Variants in OR4C3 observed in about 807,000 individuals in gnomAD.
The protein encoded by OR4C3 is olfactory receptor family 4 subfamily C member 3.
For synonymous variants in OR4C3, 186 were observed against 140.1 expected, an observed-to-expected ratio of 1.33 and a Z score of -2.31; for missense variants, 439 against 360.7, an observed-to-expected ratio of 1.22 and a Z score of -1.76.
rs781696402 is a variant in OR4C3, at chr11:48,325,699, C to T, written c.678C>T (p.His226=). The change falls in exon 1 of 1, where the codon CAC becomes CAT. Residue 226 remains histidine, a synonymous_variant. Transcript: ENST00000319856. ...TCATCCTGTACTCCTTGAGGTCCCA[C>T]AGTGCAGATGGGAGATGCAAAGCCC... ...YIVILYSLRS[H]SADGRCKALS... The T allele has an allele frequency of 1.2e-5, 19 of 1,613,914 alleles. No individual in the cohort carries two copies. In the African/African-American group the frequency reaches 1.7e-4, roughly 15 times the overall value.
Position 48,325,335 on chromosome 11 carries a change from T to A in OR4C3, c.314T>A (p.Leu105Ter), listed in dbSNP as rs1250240748. The change falls in exon 1 of 1, where the codon TTG becomes TAG. Residue 105 changes from leucine (L) to a stop codon, truncating the protein, a stop_gained. Coordinates refer to ENST00000319856, the MANE Select transcript of OR4C3 (RefSeq NM_001004702.2). LOFTEE classifies it low-confidence loss of function (END_TRUNC). Reference protein sequence around the residue: ...CMAQLFGAHFLGGVEIILLTV... With the variant: ...CMAQLFGAHF The stretch of plus-strand genomic sequence containing the variant: ...GCTCAGCTCTTTGGAGCTCATTTTT[T>A]GGGAGGTGTTGAGATCATTCTGCTC... 2.5e-6 allele frequency: 4 copies of A among 1,614,228 alleles called. No homozygotes were observed. The South Asian group carries it at 4.4e-5, about 18-fold the overall frequency.
chr11:48,325,377 A>G lies in OR4C3; in HGVS notation c.356A>G (p.Asp119Gly). The G allele has an allele frequency of 1.9e-6, 3 of 1,614,020 alleles. No individual in the cohort carries two copies. Among genetic ancestry groups the G allele is most frequent in the Non-Finnish European group, 1.7e-6 (2 of 1,179,998 alleles). Residue 119 changes from aspartate to glycine, a missense_variant, in exon 1 of 1, where the codon GAC (aspartate) becomes GGC (glycine). Transcript: ENST00000319856. Reference protein sequence around the residue: ...EIILLTVMAYDRYVAICKPLH... With the variant: ...EIILLTVMAYGRYVAICKPLH... ...ATTCTGCTCACAGTGATGGCTTATG[A>G]CCGCTATGTGGCCATCTGTAAGCCC...
chr11:48,325,920 T>C lies in OR4C3; in HGVS notation c.899T>C (p.Phe300Ser). 1 of 1,497,040 alleles carries C rather than the reference T, an allele frequency of 6.7e-7. No homozygotes were observed. The highest frequency in any genetic ancestry group is 8.9e-7 in the Non-Finnish European group (1 of 1,128,228). The allele number at this position is 1,497,040 out of a possible 1,614,324, so 92.7% of individuals were successfully genotyped here. ...EEVKNAMRKL[F>S]TW is the part of the protein sequence containing the mutation. Reference sequence around the variant, plus strand: ...GTAAAAAATGCCATGAGAAAGCTCTTTACATGGTAAGAAATTGCAGGTGGA... The same window carrying C: ...GTAAAAAATGCCATGAGAAAGCTCTCTACATGGTAAGAAATTGCAGGTGGA... Residue 300 changes from phenylalanine to serine, a missense_variant, in exon 1 of 1, where the codon TTT becomes TCT. Phe to Ser is a radical substitution (Grantham distance 155, BLOSUM62 -2). Transcript: ENST00000319856.
Position 48,325,176 on chromosome 11 carries a change from C to A in OR4C3, c.155C>A (p.Thr52Lys). 1 of 1,614,206 alleles carries A rather than the reference C, an allele frequency of 6.2e-7. No individual in the cohort carries two copies. The highest frequency in any genetic ancestry group is 8.5e-7 in the Non-Finnish European group (1 of 1,180,028). Residue 52 changes from threonine to lysine, a missense_variant, in exon 1 of 1, where the codon ACG becomes AAG. Coordinates refer to ENST00000319856, the MANE Select transcript of OR4C3 (RefSeq NM_001004702.2). ...GTGGTCACTATCACCTCCAGCCCCA[C>A]GCTGGCTTCCCCTGTGTATTTTTTC... ...LIVVTITSSP[T>K]LASPVYFFLA...
In OR4C3 at chr11:48,325,137, G is replaced by A; in HGVS notation, c.116G>A (p.Gly39Asp). Residue 39 changes from glycine to aspartate, a missense_variant, in exon 1 of 1, where the codon GGC (glycine) becomes GAC (aspartate). Transcript: ENST00000319856. Reference sequence around the variant, plus strand: ...CTGATCTATGTGGTCACGGTTTGTGGCAACATGCTCATTGTGGTCACTATC... The same window carrying A: ...CTGATCTATGTGGTCACGGTTTGTGACAACATGCTCATTGTGGTCACTATC... ...FLLIYVVTVC[G>D]NMLIVVTITS... The A allele has an allele frequency of 2.5e-6, 4 of 1,614,070 alleles. No individual in the cohort carries two copies. The highest frequency in any genetic ancestry group is 3.4e-6 in the Non-Finnish European group (4 of 1,179,988).
rs140779640 is a variant in OR4C3, at chr11:48,324,970, C to G, written c.-52C>G. ...AATTAGTTCTATTACTTATGTTTCT[C>G]CTTGTCTTTATAGGCAATACTGCAC... On this transcript the variant is annotated 5_prime_UTR_variant, in exon 1 of 1. Transcript: ENST00000319856. The G allele has an allele frequency of 1.3e-3, 2,066 of 1,605,106 alleles. 14 individuals are homozygous for G. The highest frequency in any genetic ancestry group is 7.8e-3 in the South Asian group (691 of 88,966).
Position 48,325,304 on chromosome 11 carries a change from T to C in OR4C3, c.283T>C (p.Cys95Arg). The change falls in exon 1 of 1, where the codon TGC becomes CGC. Residue 95 changes from cysteine (C) to arginine (R), a missense_variant. By Grantham distance (180) the Cys-to-Arg change is radical (BLOSUM62 -3). Transcript: ENST00000319856. ...GGGGAGAACCATCTCTTATGAGTGC[T>C]GCATGGCTCAGCTCTTTGGAGCTCA... is the stretch of plus-strand genomic sequence containing the variant. ...YEGRTISYEC[C>R]MAQLFGAHFL... 2 of 1,614,218 alleles carry C rather than the reference T, an allele frequency of 1.2e-6. No homozygotes were observed. Among genetic ancestry groups the C allele is most frequent in the African/African-American group, 1.3e-5 (1 of 75,064 alleles).
rs1370755217 is a variant in OR4C3 at position 48,325,143 on chromosome 11, T to G, written c.122T>G (p.Met41Arg). The change falls in exon 1 of 1, where the codon ATG becomes AGG. Residue 41 changes from methionine to arginine, a missense_variant. Met to Arg is a moderately conservative substitution (Grantham distance 91, BLOSUM62 -1). Transcript: ENST00000319856. ...TATGTGGTCACGGTTTGTGGCAACA[T>G]GCTCATTGTGGTCACTATCACCTCC... The part of the protein sequence containing the change: ...LIYVVTVCGN[M>R]LIVVTITSSP... The G allele has an allele frequency of 1.9e-6, 3 of 1,614,196 alleles. No individual in the cohort carries two copies. The East Asian group carries it at 6.7e-5, about 36-fold the overall frequency.
rs1290011300 is a variant in OR4C3 at position 48,325,018 on chromosome 11, A to G, written c.-4A>G. On this transcript the variant is annotated 5_prime_UTR_variant, in exon 1 of 1. Coordinates refer to ENST00000319856, the MANE Select transcript of OR4C3 (RefSeq NM_001004702.2). ...CACCTGCATTCTCAGTGACCTTGGA[A>G]TCTATGGACATACCACAAAATATCA... is the stretch of plus-strand genomic sequence containing the variant. 6.2e-7 allele frequency: 1 copy of G among 1,613,990 alleles called. No homozygotes were observed. The highest frequency in any genetic ancestry group is 1.7e-5 in the Admixed American group (1 of 60,016).
At position 48,325,408 on chromosome 11, in the gene OR4C3, C is replaced by G. The variant is rs756240124; in HGVS notation, c.387C>G (p.His129Gln). The change falls in exon 1 of 1, where the codon CAC (histidine) becomes CAG (glutamine). Residue 129 changes from histidine (H) to glutamine (Q), a missense_variant. Transcript: ENST00000319856. ...ATGTGGCCATCTGTAAGCCCCTGCACAATACTACCATCATGACCAGGCATC... is the reference window on the plus strand; with the variant it reads ...ATGTGGCCATCTGTAAGCCCCTGCAGAATACTACCATCATGACCAGGCATC... ...DRYVAICKPL[H>Q]NTTIMTRHLC... 77 of 1,613,804 alleles carry G rather than the reference C, an allele frequency of 4.8e-5. No homozygotes were observed. The highest frequency in any genetic ancestry group is 2.5e-6 in the Non-Finnish European group (3 of 1,179,922).
In OR4C3 at chr11:48,325,661, G is replaced by A. The variant is rs1564993704; in HGVS notation, c.640G>A (p.Ala214Thr). Residue 214 changes from alanine to threonine, a missense_variant, in exon 1 of 1, where the codon GCC becomes ACC. By Grantham distance (58) the Ala-to-Thr change is moderately conservative. Coordinates refer to ENST00000319856, the MANE Select transcript of OR4C3 (RefSeq NM_001004702.2). Reference protein sequence around the residue: ...ICLLNFLMLAASYIVILYSLR... With the variant: ...ICLLNFLMLATSYIVILYSLR... ...CCTGTTGAACTTCCTCATGCTGGCTGCCTCCTACATTGTCATCCTGTACTC... is the reference window on the plus strand; with the variant it reads ...CCTGTTGAACTTCCTCATGCTGGCTACCTCCTACATTGTCATCCTGTACTC... The A allele has an allele frequency of 1.9e-6, 3 of 1,614,068 alleles. No individual in the cohort carries two copies. The highest frequency in any genetic ancestry group is 1.7e-6 in the Non-Finnish European group (2 of 1,179,972).
chr11:48,325,144 G>C lies in OR4C3; in HGVS notation c.123G>C (p.Met41Ile), dbSNP rs1016564362. The C allele has an allele frequency of 1.2e-6, 2 of 1,613,938 alleles. No individual in the cohort carries two copies. Among genetic ancestry groups the C allele is most frequent in the African/African-American group, 2.7e-5 (2 of 74,896 alleles). ...ATGTGGTCACGGTTTGTGGCAACAT[G>C]CTCATTGTGGTCACTATCACCTCCA... The part of the protein sequence containing the change: ...LIYVVTVCGN[M>I]LIVVTITSSP... The change falls in exon 1 of 1, where the codon ATG becomes ATC. Residue 41 changes from methionine (M) to isoleucine (I), a missense_variant. Coordinates refer to ENST00000319856, the MANE Select transcript of OR4C3 (RefSeq NM_001004702.2).
rs750238359 is a variant in OR4C3 at position 48,324,940 on chromosome 11, C to T, written c.-82C>T. The T allele has an allele frequency of 1.3e-6, 2 of 1,572,746 alleles. No homozygotes were observed. Among genetic ancestry groups the T allele is most frequent in the Non-Finnish European group, 1.7e-6 (2 of 1,160,730 alleles). ...AGGAAAACTTGCAATGTTTTTCCCC[C>T]ATGCAATTAGTTCTATTACTTATGT... On this transcript the variant is annotated 5_prime_UTR_variant, in exon 1 of 1. Coordinates refer to ENST00000319856, the MANE Select transcript of OR4C3 (RefSeq NM_001004702.2).
In OR4C3 at chr11:48,325,456, G is replaced by A; in HGVS notation, c.435G>A (p.Val145=). 1 of 1,613,708 alleles carries A rather than the reference G, an allele frequency of 6.2e-7. No individual in the cohort carries two copies. The highest frequency in any genetic ancestry group is 2.2e-5 in the East Asian group (1 of 44,874). ...TRHLCAMLVG[V]AWLGGFLHSL... ...ATCTCTGTGCCATGCTTGTAGGGGT[G>A]GCTTGGCTTGGGGGCTTCCTGCATT... The change falls in exon 1 of 1, where the codon GTG becomes GTA. Residue 145 remains valine (V), a synonymous_variant. Transcript: ENST00000319856.
rs75900655 is a variant in OR4C3, at chr11:48,325,036, A to G, written c.15A>G (p.Gln5=). 6.2e-7 allele frequency: 1 copy of G among 1,614,168 alleles called. No homozygotes were observed. The highest frequency in any genetic ancestry group is 1.7e-5 in the Admixed American group (1 of 60,026). The change falls in exon 1 of 1, where the codon CAA becomes CAG. Residue 5 remains glutamine, a synonymous_variant. Coordinates refer to ENST00000319856, the MANE Select transcript of OR4C3 (RefSeq NM_001004702.2). ...CCTTGGAATCTATGGACATACCACA[A>G]AATATCACAGAATTTTTCATGCTGG... The part of the protein sequence containing the change: MDIP[Q]NITEFFMLGL...
chr11:48,325,021 T>C lies in OR4C3; in HGVS notation c.-1T>C, dbSNP rs754629997. ...CTGCATTCTCAGTGACCTTGGAATC[T>C]ATGGACATACCACAAAATATCACAG... On this transcript the variant is annotated 5_prime_UTR_variant, in exon 1 of 1. Coordinates refer to ENST00000319856, the MANE Select transcript of OR4C3 (RefSeq NM_001004702.2). 6.2e-7 allele frequency: 1 copy of C among 1,614,034 alleles called. No individual in the cohort carries two copies. Among genetic ancestry groups the C allele is most frequent in the Non-Finnish European group, 8.5e-7 (1 of 1,179,892 alleles).
chr11:48,325,266 A>C lies in OR4C3; in HGVS notation c.245A>C (p.Asp82Ala). 6.2e-7 allele frequency: 1 copy of C among 1,613,930 alleles called. No homozygotes were observed. The highest frequency in any genetic ancestry group is 1.1e-5 in the South Asian group (1 of 91,064). ...TCTATGGCTCCTAAACTCATTGCTG[A>C]CTCATTGTATGAGGGGAGAACCATC... Reference protein sequence around the residue: ...SSSMAPKLIADSLYEGRTISY... With the variant: ...SSSMAPKLIAASLYEGRTISY... Residue 82 changes from aspartate to alanine, a missense_variant, in exon 1 of 1, where the codon GAC becomes GCC. By Grantham distance (126) the Asp-to-Ala change is moderately radical. Coordinates refer to ENST00000319856, the MANE Select transcript of OR4C3 (RefSeq NM_001004702.2).
In OR4C3 at chr11:48,325,626, G is replaced by T. The variant is rs1308801457; in HGVS notation, c.605G>T (p.Gly202Val). The change falls in exon 1 of 1, where the codon GGT becomes GTT. Residue 202 changes from glycine (G) to valine (V), a missense_variant. Gly to Val is a moderately radical substitution (Grantham distance 109). Transcript: ENST00000319856. The stretch of plus-strand genomic sequence containing the variant: ...GGTCTGCTGGTGGTTGCCAACAGTG[G>T]TTTAATCTGCCTGTTGAACTTCCTC... ...VIGLLVVANS[G>V]LICLLNFLML... The T allele has an allele frequency of 6.2e-7, 1 of 1,613,876 alleles. No individual in the cohort carries two copies. Among genetic ancestry groups the T allele is most frequent in the Non-Finnish European group, 8.5e-7 (1 of 1,179,972 alleles).
Position 48,325,287 on chromosome 11 carries a change from C to T in OR4C3, c.266C>T (p.Thr89Ile), listed in dbSNP as rs762679066. The T allele has an allele frequency of 1.9e-6, 3 of 1,614,124 alleles. No individual in the cohort carries two copies. Among genetic ancestry groups the T allele is most frequent in the Non-Finnish European group, 2.5e-6 (3 of 1,180,018 alleles). Residue 89 changes from threonine (T) to isoleucine (I), a missense_variant, in exon 1 of 1, where the codon ACC becomes ATC. Coordinates refer to ENST00000319856, the MANE Select transcript of OR4C3 (RefSeq NM_001004702.2). ...LIADSLYEGR[T>I]ISYECCMAQL... ...GCTGACTCATTGTATGAGGGGAGAACCATCTCTTATGAGTGCTGCATGGCT... is the reference window on the plus strand; with the variant it reads ...GCTGACTCATTGTATGAGGGGAGAATCATCTCTTATGAGTGCTGCATGGCT...
Sources: allele counts gnomAD v4.1 joint callset, GRCh38; gene constraint gnomAD v4.1.1; transcripts MANE v1.5; gene names NCBI Gene and HGNC (gene_info 2026-07-23, HGNC 2026-07-21).